CAST: variants seen among roughly 807,000 people sequenced by gnomAD.
CAST encodes calpastatin.
A neutral mutation model predicts 119.6 loss-of-function variants in CAST; 76 were observed. The observed-to-expected ratio is 0.64, with a 90% CI of 0.53 to 0.77. The LOEUF (loss-of-function observed/expected upper bound fraction) is 0.77. Ranked by LOEUF, CAST falls within the 30% of genes least tolerant of loss-of-function variation. The probability of loss-of-function intolerance (pLI) is 0.00; values close to 1 mark genes in which losing one functional copy is unlikely to be tolerated. For missense variants in CAST, 953 were observed against 946.5 expected, an observed-to-expected ratio of 1.01 and a Z score of -0.09; for synonymous variants, 319 against 331.6, an observed-to-expected ratio of 0.96 and a Z score of 0.41.
chr5:96,649,778 A>G (rs1430476896), intron 1 of CAST, among the ~76,000 whole-genome samples: 1 of 152,224 alleles, frequency 6.6e-6, no homozygotes, highest in Non-Finnish European at 1.5e-5. Context: ...ACTGTAAAAT[A>G]CCATTCAAAT....
rs1773371408 is a variant in CAST, at chr5:96,773,972, T to G, written c.*1356T>G. 1 of 152,072 alleles carries G rather than the reference T, an allele frequency of 6.6e-6. No homozygotes were observed. The highest frequency in any genetic ancestry group is 1.5e-5 in the Non-Finnish European group (1 of 68,014). The allele number at this position is 152,072 out of a possible 1,614,324, so 9.4% of individuals were successfully genotyped here. A position where few individuals can be genotyped will look rare whatever the true frequency, so the allele number is the denominator to read the frequency against. On this transcript the variant is annotated 3_prime_UTR_variant, in exon 32 of 32. Transcript: ENST00000675179. Reference sequence around the variant, plus strand: ...TCTTGTTAACCTCCCCCCCAAATACTCTCTGAAAGTCATGCACATACCTAT... The same window carrying G: ...TCTTGTTAACCTCCCCCCCAAATACGCTCTGAAAGTCATGCACATACCTAT...
At chr5:96,113,140 A>T in the CAST span, among the ~76,000 whole-genome samples, 2 of 152,226 alleles carry the variant, frequency 1.3e-5, no homozygotes, top group Admixed American at 1.3e-4. Context: ...CATGCTTCTT[A>T]ACAGCAGGCT....
chr5:96,118,294 A>G, the CAST span, among the ~76,000 whole-genome samples: 1 of 152,124 alleles, frequency 6.6e-6, no homozygotes, highest in African/African-American at 2.4e-5. Context: ...GAGTAGGCAA[A>G]AAGCACTTTC....
chr5:96,745,030 C>G (rs1456943389), intron 16 of CAST, among the ~76,000 whole-genome samples: 2 of 151,952 alleles, frequency 1.3e-5, no homozygotes, highest in East Asian at 3.9e-4. Flanking sequence ...CTATAAAGAT[C>G]AAAGAGGAAA....
chr5:96,489,904 G>T, the CAST span, among the ~76,000 whole-genome samples: 1 of 152,210 alleles, frequency 6.6e-6, no homozygotes, highest in African/African-American at 2.4e-5. Flanking sequence ...CTGTGAATAA[G>T]AAAGGAGCTA....
At chr5:95,982,310 A>G in the CAST span, among the ~76,000 whole-genome samples, 7 of 150,254 alleles carry the variant, frequency 4.7e-5, no homozygotes, top group South Asian at 2.1e-4. Context: ...CTTGTATTCA[A>G]TTGTGTGTGT....
intron 2 of CAST, among the ~76,000 whole-genome samples, chr5:96,694,692 TATTC>T (rs1318262808): frequency 1.3e-5 from 2 of 152,172 alleles, no homozygotes; most frequent in Non-Finnish European, 2.9e-5. Flanking sequence ...GAAATATAGA[TATTC>T]ATAAGAAAGA....
At chr5:96,262,102 T>A in the CAST span, among the ~76,000 whole-genome samples, 1 of 152,232 alleles carries the variant, frequency 6.6e-6, no homozygotes, top group South Asian at 2.1e-4. Flanking sequence ...GGGAAAGTAG[T>A]CTTCCTTGTG....
chr5:96,727,884 A>G lies in CAST; in HGVS notation c.378+354A>G, dbSNP rs184146368. 2.7e-3 allele frequency among the ~76,000 whole-genome samples: 408 copies of G among 152,326 alleles called. 9 individuals are homozygous for G. The highest frequency in any genetic ancestry group is 0.02 in the Admixed American group (302 of 15,304). Reference sequence around the variant, plus strand: ...TAATGAATATCCAATTCCAATTCCAATGAGACATCAAGAATAAGGTGTCTG... The same window carrying G: ...TAATGAATATCCAATTCCAATTCCAGTGAGACATCAAGAATAAGGTGTCTG... On this transcript the variant is annotated intron_variant, in intron 6 of 31. Transcript: ENST00000675179.
At chr5:96,081,058 G>A in the CAST span, among the ~76,000 whole-genome samples, 2 of 152,274 alleles carry the variant, frequency 1.3e-5, no homozygotes, top group Middle Eastern at 3.4e-3. Context: ...AGGCCTATGT[G>A]CCTAGATAAA....
chr5:96,632,025 A>AATTATTATTATT (rs3064173), intron 1 of CAST, among the ~76,000 whole-genome samples: 11,553 of 149,676 alleles, frequency 0.077, 1,454 homozygotes, highest in African/African-American at 0.27. Flanking sequence ...TCCTTTTAAA[A>AATTATTATTATT]ATTATTATTA....
rs1370265210 is a variant in CAST, at chr5:96,636,306, C to G, written c.61-39233C>G. Among the ~76,000 whole-genome samples the G allele has an allele frequency of 2.6e-5, 4 of 152,156 alleles. No homozygotes were observed. In the East Asian group the frequency reaches 7.7e-4, roughly 29 times the overall value. ...GTTAAGCTCCTGACACATAGCAGCACTCGAGGGATGGACTCATTACTAGTG... is the reference window on the plus strand; with the variant it reads ...GTTAAGCTCCTGACACATAGCAGCAGTCGAGGGATGGACTCATTACTAGTG... On this transcript the variant is annotated intron_variant, in intron 1 of 11. Transcript: ENST00000505143.
chr5:96,079,432 T>G, the CAST span, among the ~76,000 whole-genome samples: 1 of 152,234 alleles, frequency 6.6e-6, no homozygotes, highest in African/African-American at 2.4e-5. Flanking sequence ...AAACCACTTT[T>G]AAGTATGTTT....
At chr5:96,118,867 T>C in the CAST span, among the ~76,000 whole-genome samples, 30 of 152,078 alleles carry the variant, frequency 2.0e-4, no homozygotes, top group Non-Finnish European at 2.8e-4. Flanking sequence ...AGTGACTCTT[T>C]TAGCTAAGTT....
intron 1 of CAST, among the ~76,000 whole-genome samples, chr5:96,541,298 T>C (rs1745908106): frequency 6.6e-6 from 1 of 151,656 alleles, no homozygotes; most frequent in Admixed American, 6.6e-5. Context: ...GACTCTTGCA[T>C]TCTTTTAACA....
the CAST span, among the ~76,000 whole-genome samples, chr5:96,088,626 G>T: frequency 6.6e-6 from 1 of 152,130 alleles, no homozygotes; most frequent in African/African-American, 2.4e-5. Context: ...ACTCTAGAAA[G>T]TTTTTATATA....
At chr5:96,298,731 T>C in the CAST span, among the ~76,000 whole-genome samples, 1 of 152,208 alleles carries the variant, frequency 6.6e-6, no homozygotes, top group African/African-American at 2.4e-5. Flanking sequence ...TGTAGGCTTT[T>C]ATATCCTTTT....
chr5:96,351,441 C>T, the CAST span, among the ~76,000 whole-genome samples: 2 of 152,154 alleles, frequency 1.3e-5, no homozygotes, highest in African/African-American at 2.4e-5. Context: ...TGTCCACTCT[C>T]TCAGGCTAGG....
chr5:96,265,228 C>G, the CAST span, among the ~76,000 whole-genome samples: 1 of 151,966 alleles, frequency 6.6e-6, no homozygotes, highest in Non-Finnish European at 1.5e-5. Context: ...GTGTGTTAGT[C>G]AGTGTTCTCC....
Sources: allele counts gnomAD v4.1 joint callset (sites outside exome capture counted in the v4.1 genomes callset), GRCh38; gene constraint gnomAD v4.1.1; transcripts MANE v1.5; gene names NCBI Gene and HGNC (gene_info 2026-07-23, HGNC 2026-07-21).